C1GALT1: variants seen among roughly 807,000 people sequenced by gnomAD.
C1GALT1 encodes core 1 synthase, glycoprotein-N-acetylgalactosamine 3-beta-galactosyltransferase 1, also known as glycoprotein-N-acetylgalactosamine 3-beta-galactosyltransferase 1.
A neutral mutation model predicts 31.0 loss-of-function variants in C1GALT1; 11 were observed. The observed-to-expected ratio is 0.36, with a 90% CI of 0.22 to 0.59. The LOEUF is 0.59. Among genes scored for constraint, C1GALT1 ranks in the 20% least tolerant of loss-of-function variants. The pLI, the probability that C1GALT1 is intolerant of heterozygous loss-of-function variation, is 0.79. For synonymous variants in C1GALT1, 175 were observed against 143.6 expected (o/e 1.22, Z -1.56); for missense variants, 424 against 425.2 (o/e 1.00, Z 0.03).
At chr7:7,166,325 A>C (rs1780391974) in intron 2 of C1GALT1, among the ~76,000 whole-genome samples, 1 of 152,238 alleles carries the variant, frequency 6.6e-6, no homozygotes, top group South Asian at 2.1e-4. Flanking sequence ...TGAACAATAA[A>C]AAGTAATAAA....
intron 1 of C1GALT1, among the ~76,000 whole-genome samples, chr7:7,229,225 G>T (rs11972106): frequency 0.22 from 34,020 of 152,044 alleles, 4,501 homozygotes; most frequent in African/African-American, 0.34. Flanking sequence ...CTGAGATGGT[G>T]AAGTGGCTGT....
chr7:7,168,766 G>C (rs913740526), intron 2 of C1GALT1, among the ~76,000 whole-genome samples: 4 of 152,148 alleles, frequency 2.6e-5, no homozygotes, highest in Admixed American at 2.6e-4. Context: ...CTCTAAAAAA[G>C]GAAGCAATAC....
At chr7:7,188,562 C>CA (rs1267740158) in intron 1 of C1GALT1, among the ~76,000 whole-genome samples, 2 of 150,938 alleles carry the variant, frequency 1.3e-5, no homozygotes, top group African/African-American at 4.9e-5. Context: ...GTACCCGATG[C>CA]AAAATTAAAA....
chr7:7,240,452 T>A (rs1191280250), intron 3 of C1GALT1, among the ~76,000 whole-genome samples: 1 of 152,208 alleles, frequency 6.6e-6, no homozygotes, highest in African/African-American at 2.4e-5. Flanking sequence ...GCTTTTTTGA[T>A]GTAAACTTTT....
rs1394852717 is a variant in C1GALT1 at position 7,247,902 on chromosome 7, T to G, written c.*4175T>G. The G allele has an allele frequency of 6.6e-6, 1 of 152,056 alleles. No individual in the cohort carries two copies. 9.4% of individuals were successfully genotyped at this position (152,056 alleles called of 1,614,324 possible). On this transcript the variant is annotated 3_prime_UTR_variant, in exon 4 of 4. Transcript: ENST00000436587. ...AAAGTAAAAGTCTAAGAATAATGCC[T>G]GCTGGCTCTCGAGATACTTGCCCTA...
chr7:7,238,653 A>T lies in C1GALT1; in HGVS notation c.619A>T (p.Met207Leu). The change falls in exon 3 of 4, where the codon ATG becomes TTG. Residue 207 changes from methionine (M) to leucine (L), a missense_variant. By Grantham distance (15) the Met-to-Leu change is conservative. Around this residue, in one of 3 missense-constraint regions of C1GALT1, gnomAD observed 191 missense variants for 188.8 expected, o/e 1.01. Coordinates refer to ENST00000436587, the MANE Select transcript of C1GALT1 (RefSeq NM_020156.5). The surrounding 1 kb of genome is among the most constrained non-coding windows in gnomAD (Gnocchi z 5.2). ...RFKPYVKQGY[M>L]SGGAGYVLSK... is the part of the protein sequence containing the mutation. ...TAAGCCTTATGTAAAGCAGGGCTAC[A>T]TGAGTGGAGGAGCAGGATATGTACT... The T allele has an allele frequency of 1.2e-6, 2 of 1,614,130 alleles. No homozygotes were observed. Among genetic ancestry groups the T allele is most frequent in the Non-Finnish European group, 1.7e-6 (2 of 1,179,982 alleles).
intron 1 of C1GALT1, among the ~76,000 whole-genome samples, chr7:7,205,096 T>C (rs763084823): frequency 4.2e-4 from 64 of 152,140 alleles, no homozygotes; most frequent in Non-Finnish European, 7.4e-4. Flanking sequence ...CTGTTAATTA[T>C]TGAGAGTGGG....
chr7:7,231,525 C>T (rs1480099767), intron 1 of C1GALT1, among the ~76,000 whole-genome samples: 1 of 151,998 alleles, frequency 6.6e-6, no homozygotes, highest in Non-Finnish European at 1.5e-5. Flanking sequence ...ATACTTCATT[C>T]TGCGTATTTT....
intron 2 of C1GALT1, among the ~76,000 whole-genome samples, chr7:7,173,009 C>A (rs933417984): frequency 4.6e-5 from 7 of 152,120 alleles, no homozygotes; most frequent in African/African-American, 1.7e-4. Context: ...AGTCTGCAAC[C>A]GTTCCAGATT....
chr7:7,158,875 A>G (rs1271450095), intron 2 of C1GALT1, among the ~76,000 whole-genome samples: 1 of 152,042 alleles, frequency 6.6e-6, no homozygotes, highest in African/African-American at 2.4e-5. Context: ...TGATTTTCTT[A>G]ATGAATTAAA....
At chr7:7,200,771 C>A (rs1054204191) in intron 1 of C1GALT1, among the ~76,000 whole-genome samples, 2 of 152,202 alleles carry the variant, frequency 1.3e-5, no homozygotes, top group African/African-American at 2.4e-5. Context: ...GATACTCTTT[C>A]TTCCACCTGA....
intron 2 of C1GALT1, chr7:7,235,356 C>G (rs527977737): frequency 2.2e-4 from 33 of 152,306 alleles, no homozygotes; most frequent in South Asian, 4.1e-4. Flanking sequence ...CACCACCTCT[C>G]AAGCAGAGGT....
At chr7:7,203,203 CT>C (rs539109418) in intron 1 of C1GALT1, among the ~76,000 whole-genome samples, 48 of 131,440 alleles carry the variant, frequency 3.7e-4, no homozygotes, top group Middle Eastern at 4.6e-3. Flanking sequence ...GTTTCTTTTT[CT>C]TTCCTAATTG....
Position 7,238,789 on chromosome 7 carries a change from T to A in C1GALT1, c.755T>A (p.Val252Glu). 2 of 1,613,802 alleles carry A rather than the reference T, an allele frequency of 1.2e-6. No homozygotes were observed. The highest frequency in any genetic ancestry group is 1.7e-6 in the Non-Finnish European group (2 of 1,179,942). Reference sequence around the variant, plus strand: ...GGGAGATGCATGGAAATTATGAATGTAGAAGCAGGAGATTCCAGAGATACC... The same window carrying A: ...GGGAGATGCATGGAAATTATGAATGAAGAAGCAGGAGATTCCAGAGATACC... ...ALGRCMEIMN[V>E]EAGDSRDTIG... The change falls in exon 3 of 4, where the codon GTA (valine) becomes GAA (glutamate). Residue 252 changes from valine to glutamate, a missense_variant. Transcript: ENST00000436587. This position sits in a 1 kb window ranked among gnomAD's most constrained non-coding sequence, Gnocchi z 5.2.
chr7:7,230,203 TTAAG>T (rs926331699), intron 1 of C1GALT1, among the ~76,000 whole-genome samples: 34 of 152,312 alleles, frequency 2.2e-4, no homozygotes, highest in African/African-American at 7.9e-4. Flanking sequence ...TATGAATATA[TTAAG>T]TATGTACTTA....
chr7:7,229,955 T>A (rs1380120799), intron 1 of C1GALT1, among the ~76,000 whole-genome samples: 3 of 152,182 alleles, frequency 2.0e-5, no homozygotes, highest in Non-Finnish European at 2.9e-5. Context: ...GAGCAAAAGG[T>A]GTAAACATGT....
At chr7:7,216,328 T>G (rs1262096667) in intron 1 of C1GALT1, among the ~76,000 whole-genome samples, 1 of 152,212 alleles carries the variant, frequency 6.6e-6, no homozygotes, top group Non-Finnish European at 1.5e-5. Flanking sequence ...TTCCGGCACC[T>G]TCTTAAATGT....
chr7:7,229,526 A>G (rs986208462), intron 1 of C1GALT1, among the ~76,000 whole-genome samples: 1 of 152,162 alleles, frequency 6.6e-6, no homozygotes, highest in African/African-American at 2.4e-5. Context: ...GTATACTGCT[A>G]AAGGAAGGAC....
intron 1 of C1GALT1, among the ~76,000 whole-genome samples, chr7:7,214,954 GATATTTTGTAAACCCTGCCTCT>G (rs536122817): frequency 1.5e-4 from 23 of 152,288 alleles, no homozygotes; most frequent in African/African-American, 5.3e-4. Context: ...TCAGGCTTAA[GATATTTTGTAAACCCTGCCTCT>G]GATGGATCAG....
Sources: gnomAD v4.1 joint callset for allele counts (sites outside exome capture counted in the v4.1 genomes callset) on GRCh38, gnomAD v4.1.1 for gene constraint, gnomAD v4.1.1 regional missense constraint, Gnocchi (gnomAD v3.1) non-coding constraint, MANE v1.5 for transcripts, NCBI Gene and HGNC (gene_info 2026-07-23, HGNC 2026-07-21) for gene names.